The following STARD13 variants were observed in gnomAD, a reference collection of about 807,000 sequenced individuals.
The protein encoded by STARD13 is stAR-related lipid transfer protein 13.
Under a neutral mutation model 106.4 loss-of-function variants are expected in STARD13, and 62 were observed. The observed-to-expected ratio is 0.58, with a 90% CI of 0.48 to 0.72. The LOEUF is 0.72. Among genes scored for constraint, STARD13 ranks in the 30% least tolerant of loss-of-function variants. The pLI, the probability that STARD13 is intolerant of heterozygous loss-of-function variation, is 0.00. For missense variants in STARD13, 1,387 were observed against 1,424.0 expected (o/e 0.97, Z 0.42); for synonymous variants, 565 against 553.0 (o/e 1.02, Z -0.31).
chr13:33,436,408 T>C, the STARD13 span, among the ~76,000 whole-genome samples: 6 of 152,182 alleles, frequency 3.9e-5, no homozygotes, highest in African/African-American at 1.4e-4. Context: ...GAAATGATAA[T>C]ACATACAATG....
At chr13:33,405,984 G>A in the STARD13 span, among the ~76,000 whole-genome samples, 1 of 152,202 alleles carries the variant, frequency 6.6e-6, no homozygotes, top group South Asian at 2.1e-4. Context: ...ACTTACAGAA[G>A]TCCTACAAGA....
the STARD13 span, among the ~76,000 whole-genome samples, chr13:33,453,779 G>C: frequency 6.6e-6 from 1 of 152,200 alleles, no homozygotes; most frequent in Non-Finnish European, 1.5e-5. Context: ...TTTTAAAAAA[G>C]AGTGTGTAAC....
At chr13:33,480,784 A>G in the STARD13 span, among the ~76,000 whole-genome samples, 1 of 152,202 alleles carries the variant, frequency 6.6e-6, no homozygotes, top group African/African-American at 2.4e-5. Context: ...GTGGTTTCAA[A>G]ATTCCATTTT....
At chr13:33,141,708 C>G (rs1180277876) in intron 4 of STARD13, among the ~76,000 whole-genome samples, 2 of 152,036 alleles carry the variant, frequency 1.3e-5, no homozygotes, top group Non-Finnish European at 2.9e-5. Flanking sequence ...TAAAACACTA[C>G]TGGAAAAAAT....
chr13:33,533,127 T>C, the STARD13 span, among the ~76,000 whole-genome samples: 2 of 152,162 alleles, frequency 1.3e-5, no homozygotes, highest in Admixed American at 1.3e-4. Flanking sequence ...TTAGTGTCAA[T>C]CAAAGCCCCA....
intron 1 of STARD13, among the ~76,000 whole-genome samples, chr13:33,271,984 G>A (rs909672182): frequency 6.6e-6 from 1 of 152,162 alleles, no homozygotes; most frequent in African/African-American, 2.4e-5. Flanking sequence ...GTGTGACTTT[G>A]GGAAAGTTTA....
chr13:33,343,604 T>TAA (rs1173728997), intron 1 of STARD13, among the ~76,000 whole-genome samples: 2,642 of 76,222 alleles, frequency 0.035, 318 homozygotes, highest in Admixed American at 0.067. Flanking sequence ...AAAACAAATC[T>TAA]ACAAATCTAG....
At chr13:33,662,033 T>C in the STARD13 span, among the ~76,000 whole-genome samples, 1 of 151,888 alleles carries the variant, frequency 6.6e-6, no homozygotes, top group Non-Finnish European at 1.5e-5. Flanking sequence ...GAGGCCGAGG[T>C]GGGCGGATCA....
chr13:33,530,648 G>A, the STARD13 span, among the ~76,000 whole-genome samples: 19 of 152,210 alleles, frequency 1.2e-4, no homozygotes, highest in Admixed American at 3.3e-4. Context: ...GGTTTAATCC[G>A]TTTGGCATGA....
chr13:33,218,816 A>ACT (rs1888184871), intron 1 of STARD13, among the ~76,000 whole-genome samples: 2 of 152,362 alleles, frequency 1.3e-5, no homozygotes, highest in African/African-American at 4.8e-5. Flanking sequence ...CAGCATTAAG[A>ACT]TTTTGATATT....
chr13:33,509,661 A>G, the STARD13 span, among the ~76,000 whole-genome samples: 1 of 152,184 alleles, frequency 6.6e-6, no homozygotes, highest in Admixed American at 6.6e-5. Flanking sequence ...CCATGACTCC[A>G]CAAAAGCTCT....
At chr13:33,177,793 AAGG>A (rs1256174700) in intron 1 of STARD13, among the ~76,000 whole-genome samples, 2 of 34,908 alleles carry the variant, frequency 5.7e-5, no homozygotes, top group African/African-American at 3.0e-4. Context: ...GGAAGGAAGG[AAGG>A]AAGGAAAGGA....
At chr13:33,302,801 T>C (rs1892769759) in intron 1 of STARD13, among the ~76,000 whole-genome samples, 1 of 152,222 alleles carries the variant, frequency 6.6e-6, no homozygotes, top group Non-Finnish European at 1.5e-5. Flanking sequence ...CTTCCTGCTC[T>C]AGTTGTTTGC....
chr13:33,278,059 A>G (rs1257709634), intron 1 of STARD13, among the ~76,000 whole-genome samples: 4 of 152,218 alleles, frequency 2.6e-5, no homozygotes, highest in African/African-American at 7.2e-5. Flanking sequence ...AGCGTAGGCC[A>G]CATACTCTCC....
chr13:33,591,907 T>A, the STARD13 span, among the ~76,000 whole-genome samples: 3 of 152,258 alleles, frequency 2.0e-5, no homozygotes, highest in Admixed American at 6.5e-5. Context: ...TAATTAAAAT[T>A]CTTCTAATAT....
intron 1 of STARD13, among the ~76,000 whole-genome samples, chr13:33,334,599 G>A (rs1594275923): frequency 6.6e-6 from 1 of 152,172 alleles, no homozygotes; most frequent in African/African-American, 2.4e-5. Flanking sequence ...CTCAAGAGGT[G>A]GGAGTGGGCA....
chr13:33,178,613 A>C (rs979332403), intron 1 of STARD13, among the ~76,000 whole-genome samples: 5 of 152,240 alleles, frequency 3.3e-5, no homozygotes, highest in African/African-American at 1.2e-4. Context: ...AACAGGAGCC[A>C]GGAAATTCAA....
chr13:33,159,719 G>A (rs1206978986), intron 3 of STARD13, among the ~76,000 whole-genome samples: 2 of 152,068 alleles, frequency 1.3e-5, no homozygotes, highest in Non-Finnish European at 2.9e-5. Context: ...GGCAACTGAA[G>A]ACAAACATTA....
intron 8 of STARD13, chr13:33,113,273 G>A (rs1224975461): frequency 5.1e-6 from 2 of 390,578 alleles, no homozygotes; most frequent in South Asian, 2.3e-5. Flanking sequence ...TGAAGTTGGT[G>A]ATTAGGACTC....
Sources: allele counts gnomAD v4.1 joint callset (sites outside exome capture counted in the v4.1 genomes callset), GRCh38; gene constraint gnomAD v4.1.1; transcripts MANE v1.5; gene names NCBI Gene and HGNC (gene_info 2026-07-23, HGNC 2026-07-21).